IL7: variants seen among roughly 807,000 people sequenced by gnomAD.
The protein encoded by IL7 is interleukin-7.
In IL7, 3 loss-of-function variants were observed where a neutral mutation model predicts 21.6. That is an observed-to-expected ratio of 0.14 (90% CI 0.06 to 0.36). The LOEUF is 0.36. Among genes scored for constraint, IL7 ranks in the 10% least tolerant of loss-of-function variants. The pLI is 1.00. For missense variants in IL7, 175 were observed against 200.2 expected, an observed-to-expected ratio of 0.87 and a Z score of 0.76; for synonymous variants, 62 against 68.1, an observed-to-expected ratio of 0.91 and a Z score of 0.44.
chr8:78,791,938 A>T (rs1033962590), intron 2 of IL7, among the ~76,000 whole-genome samples: 4 of 152,090 alleles, frequency 2.6e-5, no homozygotes, highest in Non-Finnish European at 5.9e-5. Flanking sequence ...ACTAATCCCT[A>T]AAAAAAGGTA....
At chr8:78,681,863 T>G (rs1809793940) in intron 4 of IL7, among the ~76,000 whole-genome samples, 1 of 151,616 alleles carries the variant, frequency 6.6e-6, no homozygotes, top group Non-Finnish European at 1.5e-5. Context: ...TATTTTTAAT[T>G]CCTTCATAAT....
rs147856066 is a variant in IL7, at chr8:78,780,385, G to A, written c.147+17687C>T. Among the ~76,000 whole-genome samples, 1,369 of 152,000 alleles carry A rather than the reference G, an allele frequency of 9.0e-3. 15 individuals carry two copies. The highest frequency in any genetic ancestry group is 0.031 in the African/African-American group (1,287 of 41,472). On this transcript the variant is annotated intron_variant, in intron 2 of 5. Transcript: ENST00000263851. ...GGACATTTAGTTTTATAAATTTCTC[G>A]CTTAACACTGCTGTAGCTGCATTCC...
At position 78,733,431 on chromosome 8, in the gene IL7, T is replaced by C. The variant is rs1025971961; in HGVS notation, c.*282A>G. 3.9e-6 allele frequency: 1 copy of C among 255,992 alleles called. No homozygotes were observed. Among genetic ancestry groups the C allele is most frequent in the Middle Eastern group, 1.3e-3 (1 of 794 alleles). The allele number at this position is 255,992 out of a possible 1,614,324, so 15.9% of individuals were successfully genotyped here. The stretch of plus-strand genomic sequence containing the variant: ...GTTTGAGAAGTATTATTGCAACTGA[T>C]ACCTTACATGGATTGTCTTACAAAA... On this transcript the variant is annotated 3_prime_UTR_variant, in exon 6 of 6. Transcript: ENST00000263851.
rs1189596601 is a variant in IL7 at position 78,721,613 on chromosome 8, G to A, written n.268-173C>T. Among the ~76,000 whole-genome samples, 4 of 151,998 alleles carry A rather than the reference G, an allele frequency of 2.6e-5. No individual in the cohort carries two copies. In the East Asian group the frequency reaches 5.8e-4, roughly 22 times the overall value. Reference sequence around the variant, plus strand: ...GGCCAGTAGTGCTGAGTAGTGTCAAGTACAGTTAACAGTGAAATGCGGATT... The same window carrying A: ...GGCCAGTAGTGCTGAGTAGTGTCAAATACAGTTAACAGTGAAATGCGGATT... On this transcript the variant is annotated intron_variant and non_coding_transcript_variant, in intron 3 of 6. Coordinates refer to the IL7 transcript ENST00000519833.
chr8:78,729,995 A>C (rs527837590), downstream of IL7, among the ~76,000 whole-genome samples: 6 of 151,986 alleles, frequency 3.9e-5, no homozygotes, highest in East Asian at 1.9e-4. Context: ...AGCATGGGAA[A>C]GCTTCAGAAA....
intron 2 of IL7, among the ~76,000 whole-genome samples, chr8:78,780,784 C>G (rs1004641331): frequency 5.3e-5 from 8 of 152,110 alleles, no homozygotes. Flanking sequence ...CCTGAATATC[C>G]TTGTTAATTT....
At chr8:78,773,226 G>GACAT (rs2130791826) in intron 2 of IL7, among the ~76,000 whole-genome samples, 1 of 152,132 alleles carries the variant, frequency 6.6e-6, no homozygotes, top group Admixed American at 6.5e-5. Context: ...GGACCATGTC[G>GACAT]ACATACCCAT....
chr8:78,686,204 G>T (rs965284563), intron 3 of IL7, among the ~76,000 whole-genome samples: 1 of 152,086 alleles, frequency 6.6e-6, no homozygotes, highest in African/African-American at 2.4e-5. Flanking sequence ...AGTCTTAGTG[G>T]GAGGATAAAT....
chr8:78,802,274 C>T (rs1178369919), intron 1 of IL7, among the ~76,000 whole-genome samples: 1 of 152,184 alleles, frequency 6.6e-6, no homozygotes, highest in Admixed American at 6.5e-5. Context: ...CCAGTGTTTA[C>T]TGAATGTCCA....
intron 3 of IL7, among the ~76,000 whole-genome samples, chr8:78,700,928 T>A (rs924764583): frequency 1.2e-4 from 19 of 152,340 alleles, no homozygotes; most frequent in African/African-American, 4.6e-4. Context: ...GGCAGCATGA[T>A]GCCTCCAGCA....
At chr8:78,698,296 GA>G (rs1327958136) in intron 3 of IL7, 2 of 810,054 alleles carry the variant, frequency 2.5e-6, no homozygotes, top group African/African-American at 3.5e-5. Flanking sequence ...TGTCTTCAAT[GA>G]AAACTTGATT....
At chr8:78,716,736 G>A (rs1042776523), downstream of IL7, among the ~76,000 whole-genome samples, 1 of 152,120 alleles carries the variant, frequency 6.6e-6, no homozygotes, top group African/African-American at 2.4e-5. Flanking sequence ...TTTGTGTCCT[G>A]CCCAAATCTC....
At chr8:78,801,059 G>A (rs1814039499) in intron 1 of IL7, among the ~76,000 whole-genome samples, 1 of 152,142 alleles carries the variant, frequency 6.6e-6, no homozygotes, top group African/African-American at 2.4e-5. Context: ...GGAAAATTCA[G>A]TCTTTTTGTA....
intron 3 of IL7, among the ~76,000 whole-genome samples, chr8:78,694,885 C>T (rs1419821167): frequency 6.6e-6 from 1 of 152,070 alleles, no homozygotes; most frequent in East Asian, 1.9e-4. Flanking sequence ...TTTCATTCTC[C>T]TGGTCATTAA....
chr8:78,727,354 A>T (rs1811356133), intron 3 of IL7, among the ~76,000 whole-genome samples: 1 of 152,026 alleles, frequency 6.6e-6, no homozygotes, highest in Non-Finnish European at 1.5e-5. Flanking sequence ...CACTTAGGAG[A>T]GTTGCCCTAT....
chr8:78,776,565 A>G (rs954326296), intron 2 of IL7, among the ~76,000 whole-genome samples: 2 of 152,096 alleles, frequency 1.3e-5, no homozygotes, highest in Non-Finnish European at 2.9e-5. Flanking sequence ...TTCAAATATT[A>G]CAGGTTTTTA....
At chr8:78,801,098 C>T (rs577610081) in intron 1 of IL7, among the ~76,000 whole-genome samples, 8 of 152,272 alleles carry the variant, frequency 5.3e-5, no homozygotes, top group African/African-American at 1.9e-4. Context: ...AATTTTAAAA[C>T]ATAATTTGCC....
intron 3 of IL7, 93 bp from the exon 4 acceptor site, chr8:78,738,728 G>C (rs1429133443): frequency 7.9e-6 from 9 of 1,142,464 alleles, no homozygotes; most frequent in Non-Finnish European, 1.2e-6. Context: ...GAGCTATGTT[G>C]CTAGGTAATG....
intron 3 of IL7, among the ~76,000 whole-genome samples, chr8:78,690,388 G>C (rs371474341): frequency 1.3e-5 from 2 of 152,012 alleles, no homozygotes; most frequent in African/African-American, 4.8e-5. Flanking sequence ...GTGAAACCCC[G>C]TCTCTAATAA....
Sources: gnomAD v4.1 joint callset for allele counts (sites outside exome capture counted in the v4.1 genomes callset) on GRCh38, gnomAD v4.1.1 for gene constraint, MANE v1.5 for transcripts, NCBI Gene and HGNC (gene_info 2026-07-23, HGNC 2026-07-21) for gene names.